ZNG1B: variants seen among roughly 807,000 people sequenced by gnomAD.
ZNG1B encodes zinc-regulated GTPase metalloprotein activator 1B.
the ZNG1B span, chr2:113,452,996 T>G: frequency 2.1e-6 from 3 of 1,436,986 alleles, no homozygotes; most frequent in Non-Finnish European, 9.4e-7. Context: ...CTATAAATAG[T>G]GAAAGCTTCT....
chr2:113,492,357 T>C, the ZNG1B span, among the ~76,000 whole-genome samples: 1 of 126,998 alleles, frequency 7.9e-6, no homozygotes, highest in African/African-American at 2.8e-5. Context: ...CTGGATAAGA[T>C]TGGAGACTAT....
chr2:113,481,926 A>G, the ZNG1B span: 2 of 478,270 alleles, frequency 4.2e-6, no homozygotes, highest in Non-Finnish European at 7.4e-6. Flanking sequence ...TTGCTAAAAG[A>G]CTAGTTTTTC....
the ZNG1B span, among the ~76,000 whole-genome samples, chr2:113,453,923 C>G: frequency 6.6e-6 from 1 of 152,056 alleles, no homozygotes; most frequent in African/African-American, 2.4e-5. Flanking sequence ...ACTTTATTTA[C>G]CTGAACACTT....
the ZNG1B span, among the ~76,000 whole-genome samples, chr2:113,492,226 G>A: frequency 2.1e-5 from 3 of 140,062 alleles, no homozygotes; most frequent in Non-Finnish European, 3.1e-5. Context: ...TTGCAAAAAC[G>A]TGGAAGCAAC....
chr2:113,460,834 T>A, the ZNG1B span: 1 of 1,509,412 alleles, frequency 6.6e-7, no homozygotes, highest in Non-Finnish European at 8.9e-7. Context: ...GAAAATTTAT[T>A]TTCTTTTTTT....
At chr2:113,438,449 T>C in the ZNG1B span, among the ~76,000 whole-genome samples, 1 of 152,128 alleles carries the variant, frequency 6.6e-6, no homozygotes, top group African/African-American at 2.4e-5. Context: ...GCCCGACACG[T>C]GGGGCTTTCG....
chr2:113,476,423 C>T, the ZNG1B span, among the ~76,000 whole-genome samples: 2 of 150,010 alleles, frequency 1.3e-5, no homozygotes, highest in Non-Finnish European at 2.9e-5. Context: ...AACTTCTTTG[C>T]CTTTGGTTTG....
chr2:113,477,508 C>T, the ZNG1B span, among the ~76,000 whole-genome samples: 6 of 152,230 alleles, frequency 3.9e-5, no homozygotes, highest in South Asian at 8.3e-4. Flanking sequence ...AGCTGTAGAC[C>T]GGAGCTGTTC....
At chr2:113,450,095 G>A in the ZNG1B span, among the ~76,000 whole-genome samples, 1 of 151,176 alleles carries the variant, frequency 6.6e-6, no homozygotes, top group Admixed American at 6.6e-5. Flanking sequence ...ATGCCTGAGA[G>A]TTTTCTTCTT....
At chr2:113,492,117 G>A in the ZNG1B span, among the ~76,000 whole-genome samples, 2 of 139,478 alleles carry the variant, frequency 1.4e-5, 1 homozygote, top group Non-Finnish European at 3.1e-5. Flanking sequence ...CTATCATTTG[G>A]TCCAGCAATC....
the ZNG1B span, among the ~76,000 whole-genome samples, chr2:113,477,126 G>A: frequency 6.6e-6 from 1 of 152,214 alleles, no homozygotes; most frequent in Non-Finnish European, 1.5e-5. Flanking sequence ...CCTCGCTGCC[G>A]CCTTGTAGTT....
At chr2:113,462,743 T>G in the ZNG1B span, 2 of 522,212 alleles carry the variant, frequency 3.8e-6, no homozygotes, top group Non-Finnish European at 6.6e-6. Context: ...CACTCCATCT[T>G]TCTTTTCCTG....
At chr2:113,477,243 G>A in the ZNG1B span, among the ~76,000 whole-genome samples, 4 of 152,320 alleles carry the variant, frequency 2.6e-5, no homozygotes, top group Non-Finnish European at 4.4e-5. Flanking sequence ...TAAGCCCGTC[G>A]GAAAAGCGCA....
the ZNG1B span, among the ~76,000 whole-genome samples, chr2:113,475,706 A>G: frequency 6.6e-6 from 1 of 151,906 alleles, no homozygotes; most frequent in African/African-American, 2.4e-5. Context: ...ATCTCTCAGC[A>G]TTTGCTTGTC....
the ZNG1B span, among the ~76,000 whole-genome samples, chr2:113,485,909 T>C: frequency 6.6e-6 from 1 of 152,004 alleles, no homozygotes; most frequent in African/African-American, 2.4e-5. Context: ...TTAGAGACAA[T>C]TCCTCATTTT....
chr2:113,463,387 A>AT, the ZNG1B span, among the ~76,000 whole-genome samples: 12 of 152,172 alleles, frequency 7.9e-5, no homozygotes, highest in Non-Finnish European at 5.9e-5. Flanking sequence ...CTGACATTAG[A>AT]TTTTGAATCT....
At chr2:113,445,236 C>T in the ZNG1B span, 923 of 649,716 alleles carry the variant, frequency 1.4e-3, 10 homozygotes, top group African/African-American at 0.015. Flanking sequence ...AATGAATGAA[C>T]GGAGTATTTC....
the ZNG1B span, chr2:113,445,042 A>T: frequency 6.2e-7 from 1 of 1,610,396 alleles, no homozygotes; most frequent in Non-Finnish European, 8.5e-7. Flanking sequence ...AGACCACTGG[A>T]TTGGCAGACC....
At chr2:113,446,137 CT>C in the ZNG1B span, among the ~76,000 whole-genome samples, 1,364 of 151,296 alleles carry the variant, frequency 9.0e-3, 12 homozygotes, top group African/African-American at 0.031. Flanking sequence ...ATATTGTATG[CT>C]TTTATTAGAA....
Sources: allele counts gnomAD v4.1 joint callset (sites outside exome capture counted in the v4.1 genomes callset), GRCh38; gene constraint gnomAD v4.1.1; transcripts MANE v1.5; gene names NCBI Gene and HGNC (gene_info 2026-07-23, HGNC 2026-07-21).